ADAMTS17: variants seen among roughly 807,000 people sequenced by gnomAD.
The protein encoded by ADAMTS17 is A disintegrin and metalloproteinase with thrombospondin motifs 17.
A neutral mutation model predicts 141.5 loss-of-function variants in ADAMTS17; 113 were observed. The observed-to-expected ratio is 0.80, with a 90% CI of 0.69 to 0.93. The LOEUF is 0.93. Ranked by LOEUF, ADAMTS17 falls within the 40% of genes least tolerant of loss-of-function variation. ADAMTS17 has a pLI of 0.00. For synonymous variants in ADAMTS17, 768 were observed against 630.6 expected (o/e 1.22, Z -3.27); for missense variants, 1,659 against 1,517.9 (o/e 1.09, Z -1.54).
chr15:100,184,965 T>C (rs2040656281), intron 8 of ADAMTS17, among the ~76,000 whole-genome samples: 1 of 152,186 alleles, frequency 6.6e-6, no homozygotes, highest in African/African-American at 2.4e-5. Context: ...TACTCCTCTG[T>C]CTCCAAATTC....
At chr15:100,082,584 C>T (rs1049826962) in intron 15 of ADAMTS17, among the ~76,000 whole-genome samples, 1 of 151,818 alleles carries the variant, frequency 6.6e-6, no homozygotes, top group African/African-American at 2.4e-5. Context: ...GGCAGGGTTT[C>T]GCCATGTTGC....
At chr15:100,248,711 G>A (rs951827546) in intron 7 of ADAMTS17, among the ~76,000 whole-genome samples, 1 of 152,168 alleles carries the variant, frequency 6.6e-6, no homozygotes, top group South Asian at 2.1e-4. Context: ...ATTCCCAAGG[G>A]GGTCATCCTT....
intron 15 of ADAMTS17, among the ~76,000 whole-genome samples, chr15:100,089,552 A>G (rs1277704145): frequency 2.0e-5 from 3 of 151,526 alleles, no homozygotes; most frequent in Non-Finnish European, 4.4e-5. Context: ...TTGTGGCACT[A>G]TTCACAATAG....
intron 8 of ADAMTS17, among the ~76,000 whole-genome samples, chr15:100,170,136 G>A (rs775277275): frequency 2.0e-5 from 3 of 152,250 alleles, no homozygotes; most frequent in African/African-American, 4.8e-5. Context: ...GCTTGGGAAC[G>A]ATGGCGGGGG....
At chr15:100,061,454 C>T (rs1363105599) in intron 15 of ADAMTS17, among the ~76,000 whole-genome samples, 1 of 152,124 alleles carries the variant, frequency 6.6e-6, no homozygotes, top group Non-Finnish European at 1.5e-5. Context: ...TATACATGGC[C>T]CTCAGGCTTC....
intron 14 of ADAMTS17, among the ~76,000 whole-genome samples, chr15:100,099,417 G>A (rs7180604): frequency 6.6e-6 from 1 of 152,126 alleles, no homozygotes; most frequent in Non-Finnish European, 1.5e-5. Context: ...AGCTGCCATA[G>A]GACACAACTG....
intron 18 of ADAMTS17, among the ~76,000 whole-genome samples, chr15:100,043,737 T>C (rs28473493): frequency 0.25 from 38,314 of 152,276 alleles, 5,171 homozygotes; most frequent in East Asian, 0.49. Context: ...TCTCTAGACC[T>C]ATACAGATGA....
At chr15:100,265,744 T>C (rs899959904) in intron 4 of ADAMTS17, among the ~76,000 whole-genome samples, 1 of 152,200 alleles carries the variant, frequency 6.6e-6, no homozygotes, top group Non-Finnish European at 1.5e-5. Context: ...TCAGGTTGCA[T>C]ACACTGCTAT....
At chr15:100,077,691 C>A (rs193286112) in intron 15 of ADAMTS17, among the ~76,000 whole-genome samples, 490 of 152,284 alleles carry the variant, frequency 3.2e-3, no homozygotes, top group Non-Finnish European at 5.8e-3. Context: ...AAATGCTTGT[C>A]CCCTAAGATA....
At chr15:100,236,233 G>A (rs564691261) in intron 7 of ADAMTS17, among the ~76,000 whole-genome samples, 1 of 142,600 alleles carries the variant, frequency 7.0e-6, no homozygotes, top group African/African-American at 2.6e-5. Context: ...TGAAATGACA[G>A]TAAACATTAC....
At chr15:100,052,451 G>A (rs1205660812) in intron 16 of ADAMTS17, among the ~76,000 whole-genome samples, 1 of 152,246 alleles carries the variant, frequency 6.6e-6, no homozygotes, top group African/African-American at 2.4e-5. Context: ...AGTTACGGTA[G>A]TAGTTGCTTT....
At chr15:100,137,552 C>T (rs1390785740) in intron 10 of ADAMTS17, among the ~76,000 whole-genome samples, 1 of 152,146 alleles carries the variant, frequency 6.6e-6, no homozygotes, top group Non-Finnish European at 1.5e-5. Context: ...ATGGATGAAC[C>T]TTCTGCTTTC....
chr15:100,252,849 T>C (rs182219782), intron 7 of ADAMTS17, among the ~76,000 whole-genome samples: 2 of 152,338 alleles, frequency 1.3e-5, no homozygotes, highest in East Asian at 3.9e-4. Flanking sequence ...AACTCTAAAA[T>C]GTGACATGAA....
chr15:100,064,734 C>T (rs146299548), intron 15 of ADAMTS17, among the ~76,000 whole-genome samples: 11 of 152,250 alleles, frequency 7.2e-5, no homozygotes, highest in East Asian at 1.9e-4. Flanking sequence ...GAAAACATGA[C>T]GGAAGCTGCC....
At position 100,297,825 on chromosome 15, in the gene ADAMTS17, C is replaced by T. The variant is rs561894713; in HGVS notation, c.617-16424G>A. Among the ~76,000 whole-genome samples the T allele has an allele frequency of 1.0e-3, 158 of 152,254 alleles. 1 individual carries two copies. The highest frequency in any genetic ancestry group is 3.7e-3 in the East Asian group (19 of 5,190). ...TTCCAGACGAATCCTTTAGAGACCT[C>T]AAAACCACATGGCTAGATAGAAGAG... is the stretch of plus-strand genomic sequence containing the variant. On this transcript the variant is annotated intron_variant, in intron 3 of 21. Transcript: ENST00000268070.
chr15:100,267,031 C>G (rs1182816734), intron 4 of ADAMTS17, among the ~76,000 whole-genome samples: 1 of 152,136 alleles, frequency 6.6e-6, no homozygotes, highest in Non-Finnish European at 1.5e-5. Flanking sequence ...CCATCTCACC[C>G]ACTAGTGCAC....
Position 100,341,335 on chromosome 15 carries a change from G to T in ADAMTS17, c.154C>A (p.Pro52Thr). 9.8e-6 allele frequency: 10 copies of T among 1,023,162 alleles called. No homozygotes were observed. The highest frequency in any genetic ancestry group is 1.2e-5 in the Non-Finnish European group (10 of 856,876). The allele number at this position is 1,023,162 out of a possible 1,614,324, so 63.4% of individuals were successfully genotyped here. A position where few individuals can be genotyped will look rare whatever the true frequency, so the allele number is the denominator to read the frequency against. Residue 52 changes from proline (P) to threonine (T), a missense_variant, in exon 2 of 22, where the codon CCG becomes ACG. Pro to Thr is a conservative substitution (Grantham distance 38). Transcript: ENST00000268070. ...CGGGGCCCGGGGGCTGCGGGCAGCGGCGGCAGGTGCACGTCGTCGGGGCGC... is the reference window on the plus strand; with the variant it reads ...CGGGGCCCGGGGGCTGCGGGCAGCGTCGGCAGGTGCACGTCGTCGGGGCGC... ...RVRPDDVHLP[P>T]LPAAPGPRRR...
intron 13 of ADAMTS17, among the ~76,000 whole-genome samples, chr15:100,112,942 G>A (rs1014874280): frequency 6.6e-6 from 1 of 152,134 alleles, no homozygotes. Flanking sequence ...CAGTCTCTCT[G>A]CTCTCTCTCT....
At chr15:100,329,151 G>A (rs923072689) in intron 3 of ADAMTS17, among the ~76,000 whole-genome samples, 1 of 152,100 alleles carries the variant, frequency 6.6e-6, no homozygotes, top group African/African-American at 2.4e-5. Flanking sequence ...GTACAGCCAG[G>A]ACTGAGAACC....
Sources: gnomAD v4.1 joint callset for allele counts (sites outside exome capture counted in the v4.1 genomes callset) on GRCh38, gnomAD v4.1.1 for gene constraint, MANE v1.5 for transcripts, NCBI Gene and HGNC (gene_info 2026-07-23, HGNC 2026-07-21) for gene names.